The following POLR2F variants were observed in gnomAD, a reference collection of about 807,000 sequenced individuals.
The protein encoded by POLR2F is DNA-directed RNA polymerases I, II, and III subunit RPABC2.
In POLR2F, 12 loss-of-function variants were observed where a neutral mutation model predicts 22.7. That is an observed-to-expected ratio of 0.53 (90% CI 0.34 to 0.86). The LOEUF is 0.86. Among genes scored for constraint, POLR2F ranks in the 40% least tolerant of loss-of-function variants. The pLI is 0.02. For missense variants in POLR2F, 126 were observed against 171.5 expected (o/e 0.73, Z 1.48); for synonymous variants, 57 against 66.0 (o/e 0.86, Z 0.66).
At chr22:37,971,261 C>T (rs1179533780), downstream of POLR2F, 3 of 471,204 alleles carry the variant, frequency 6.4e-6, no homozygotes, top group South Asian at 4.6e-5. Context: ...GGCACCAGCA[C>T]TTCTTAGCAT....
At chr22:37,959,806 T>G (rs990735074) in intron 3 of POLR2F, among the ~76,000 whole-genome samples, 1 of 149,980 alleles carries the variant, frequency 6.7e-6, no homozygotes, top group African/African-American at 2.4e-5. Context: ...CAGTGTAGTT[T>G]TTTTTTTTTT....
intron 5 of POLR2F, among the ~76,000 whole-genome samples, chr22:38,037,808 G>C (rs982151940): frequency 6.6e-6 from 1 of 152,162 alleles, no homozygotes; most frequent in Non-Finnish European, 1.5e-5. Context: ...GGCCAGGATA[G>C]TCTTGATCTC....
intron 1 of POLR2F, among the ~76,000 whole-genome samples, chr22:38,007,372 G>A (rs542289350): frequency 1.3e-5 from 2 of 152,340 alleles, no homozygotes; most frequent in African/African-American, 2.4e-5. Context: ...CAGGCAGGCA[G>A]CAGTAGGGTG....
intron 3 of POLR2F, 126 bp downstream of exon 3, chr22:37,959,602 G>T: frequency 9.4e-7 from 1 of 1,066,138 alleles, no homozygotes. Context: ...AAGTGGTGCC[G>T]TCCCTGCGTA....
At chr22:38,012,604 T>C (rs902391699) in intron 1 of POLR2F, among the ~76,000 whole-genome samples, 6 of 152,192 alleles carry the variant, frequency 3.9e-5, no homozygotes, top group South Asian at 2.1e-4. Flanking sequence ...TTGTTGTTGT[T>C]GTCGTTGTTC....
chr22:37,988,651 A>T (rs892862638), intron 1 of POLR2F: 1 of 154,296 alleles, frequency 6.5e-6, no homozygotes, highest in East Asian at 1.9e-4. Flanking sequence ...ACTCTGTCTC[A>T]TAAAAACAAA....
At chr22:38,025,059 G>C (rs769624998) in intron 1 of POLR2F, among the ~76,000 whole-genome samples, 9 of 152,112 alleles carry the variant, frequency 5.9e-5, no homozygotes, top group African/African-American at 1.7e-4. Flanking sequence ...TGGCGTTTCC[G>C]GGCCTCTTGG....
chr22:37,979,725 G>A (rs1932337277), intron 4 of POLR2F, among the ~76,000 whole-genome samples: 1 of 152,136 alleles, frequency 6.6e-6, no homozygotes. Context: ...GTTGGAGGGT[G>A]GAGGGCATTT....
At position 38,017,266 on chromosome 22, in the gene POLR2F, CTG is replaced by C. The variant is rs539743891; in HGVS notation, c.121-8600_121-8599del. On this transcript the variant is annotated intron_variant, in intron 1 of 2. Transcript: ENST00000333418. The surrounding 1 kb of genome is among the most constrained non-coding windows in gnomAD (Gnocchi z 4.1). ...TGACGTGCCCTTCCTAGTCCTGGGTCTGTGCGTCTGAGCCTCGGGTGGAATAG... is the reference window on the plus strand; with the variant it reads ...TGACGTGCCCTTCCTAGTCCTGGGTCTGCGTCTGAGCCTCGGGTGGAATAG... 3.5e-4 allele frequency among the ~76,000 whole-genome samples: 53 copies of C among 152,172 alleles called. No homozygotes were observed. Among genetic ancestry groups the C allele is most frequent in the Non-Finnish European group, 6.6e-4 (45 of 68,020 alleles).
chr22:37,960,661 A>G (rs892671639), intron 3 of POLR2F, among the ~76,000 whole-genome samples: 5 of 151,792 alleles, frequency 3.3e-5, no homozygotes, highest in African/African-American at 1.2e-4. Flanking sequence ...TCGGCCTCCC[A>G]AAGTGTTGGG....
upstream of POLR2F, chr22:37,986,043 G>A: frequency 7.4e-7 from 1 of 1,352,510 alleles, no homozygotes. This position sits in a 1 kb window ranked among gnomAD's most constrained non-coding sequence, Gnocchi z 4.7. Flanking sequence ...TCTCTTCCCT[G>A]TGCCCAGACT....
At chr22:38,008,870 AAAG>A (rs1347186503) in intron 1 of POLR2F, among the ~76,000 whole-genome samples, 105 of 152,090 alleles carry the variant, frequency 6.9e-4, no homozygotes, top group African/African-American at 2.5e-3. Context: ...AAAAAAAAAA[AAAG>A]AAAGAAAAGA....
intron 5 of POLR2F, among the ~76,000 whole-genome samples, chr22:38,038,087 G>C (rs2085133865): frequency 6.6e-6 from 1 of 150,970 alleles, no homozygotes; most frequent in African/African-American, 2.4e-5. Flanking sequence ...GGGAGCCTGA[G>C]AGCCAGTGTT....
intron 1 of POLR2F, among the ~76,000 whole-genome samples, chr22:38,003,374 G>A (rs1017926588): frequency 5.9e-5 from 9 of 152,236 alleles, no homozygotes; most frequent in South Asian, 4.1e-4. Context: ...TTACAGGTGC[G>A]TGTCGCCACA....
intron 1 of POLR2F, among the ~76,000 whole-genome samples, chr22:37,991,214 T>C (rs1184690669): frequency 6.8e-5 from 1 of 14,770 alleles, no homozygotes; most frequent in Non-Finnish European, 1.1e-4. Context: ...TTCCACCTCC[T>C]GTGCAATTCT....
Position 37,967,701 on chromosome 22 carries a change from A to G in POLR2F, c.370A>G (p.Ile124Val). The G allele has an allele frequency of 1.2e-6, 2 of 1,613,656 alleles. No individual in the cohort carries two copies. Among genetic ancestry groups the G allele is most frequent in the Non-Finnish European group, 1.7e-6 (2 of 1,179,824 alleles). ...TGAAGACTGGGGGGTGGACGAGCTC[A>G]TCATCACCGACTGAGCTGGAGTCAT... ...SYEDWGVDEL[I>V]ITD Residue 124 changes from isoleucine (I) to valine (V), a missense_variant, in exon 5 of 5, where the codon ATC (isoleucine) becomes GTC (valine). By Grantham distance (29) the Ile-to-Val change is conservative. Transcript: ENST00000442738.
chr22:38,023,787 C>T (rs1426034166), intron 1 of POLR2F, among the ~76,000 whole-genome samples: 3 of 151,946 alleles, frequency 2.0e-5, no homozygotes, highest in Admixed American at 2.0e-4. Flanking sequence ...ATTCCCCTGC[C>T]TCAGCCTCCC....
chr22:38,019,551 C>T (rs887948534), intron 1 of POLR2F, among the ~76,000 whole-genome samples: 1 of 152,190 alleles, frequency 6.6e-6, no homozygotes, highest in Non-Finnish European at 1.5e-5. Flanking sequence ...GAAAATGGCC[C>T]GGTTCACAGG....
chr22:37,988,096 G>A (rs1485937278), intron 1 of POLR2F: 2 of 151,646 alleles, frequency 1.3e-5, no homozygotes, highest in Non-Finnish European at 2.9e-5. Context: ...GGCCAAGGTG[G>A]GCAGATCATG....
Sources: allele counts gnomAD v4.1 joint callset (sites outside exome capture counted in the v4.1 genomes callset), GRCh38; gene constraint gnomAD v4.1.1; non-coding constraint Gnocchi (gnomAD v3.1); transcripts MANE v1.5; gene names NCBI Gene and HGNC (gene_info 2026-07-23, HGNC 2026-07-21).